Variants in APLF observed in about 807,000 individuals in gnomAD.
APLF encodes aprataxin and PNKP like factor, also known as aprataxin and PNK-like factor.
Under a neutral mutation model 55.6 loss-of-function variants are expected in APLF, and 61 were observed. The ratio of observed to expected loss-of-function variants is 1.10; its 90% CI spans 0.89 to 1.36. The LOEUF (loss-of-function observed/expected upper bound fraction) is 1.36. Ranked by LOEUF, APLF falls within the 40% of genes most tolerant of loss-of-function variation. APLF has a pLI of 0.00. For missense variants in APLF, 611 were observed against 602.5 expected, an observed-to-expected ratio of 1.01 and a Z score of -0.15; for synonymous variants, 207 against 214.8, an observed-to-expected ratio of 0.96 and a Z score of 0.32.
intron 5 of APLF, among the ~76,000 whole-genome samples, chr2:68,524,034 G>T (rs1056833098): frequency 6.6e-6 from 1 of 151,818 alleles, no homozygotes; most frequent in Non-Finnish European, 1.5e-5. Flanking sequence ...GTATCACTTG[G>T]AATATATAAA....
intron 5 of APLF, among the ~76,000 whole-genome samples, chr2:68,519,582 G>A (rs972787575): frequency 9.4e-5 from 14 of 149,324 alleles, no homozygotes; most frequent in African/African-American, 1.7e-4. Context: ...TCCCCACTAC[G>A]ATTCCCCATT....
At chr2:68,561,904 C>T (rs189222631) in intron 8 of APLF, among the ~76,000 whole-genome samples, 2 of 151,826 alleles carry the variant, frequency 1.3e-5, no homozygotes, top group Non-Finnish European at 2.9e-5. Flanking sequence ...AGTTTTAGTC[C>T]AGAAATTATT....
rs1400736644 is a variant in APLF, at chr2:68,529,610, G to A, written c.804+3368G>A. 9.0e-6 allele frequency: 3 copies of A among 334,082 alleles called. No individual in the cohort carries two copies. Among genetic ancestry groups the A allele is most frequent in the African/African-American group, 6.7e-5 (3 of 44,792 alleles). 20.7% of individuals were successfully genotyped at this position (334,082 alleles called of 1,614,324 possible). On this transcript the variant is annotated intron_variant, in intron 6 of 9. Coordinates refer to ENST00000303795, the MANE Select transcript of APLF (RefSeq NM_173545.3). The surrounding 1 kb of genome is among the most constrained non-coding windows in gnomAD (Gnocchi z 4.4). ...GGGCTGGTGACAGAGCCAGGGTGTG[G>A]AGGAGTGCTTAGGAGCCCAGCGAGG...
intron 1 of APLF, among the ~76,000 whole-genome samples, chr2:68,489,026 C>T (rs1377073769): frequency 6.6e-6 from 1 of 151,540 alleles, no homozygotes; most frequent in Non-Finnish European, 1.5e-5. Context: ...AAATTTTTAG[C>T]CTCTTTTTTT....
chr2:68,513,092 G>T lies in APLF; in HGVS notation c.354G>T (p.Val118=). ...EMQCTLRNSQ[V]LDEDNILNET... is the part of the protein sequence containing the mutation. ...TTTTATCTTATAGAAACAGTCAAGTGCTTGATGAAGATAATATATTGAATG... is the reference window on the plus strand; with the variant it reads ...TTTTATCTTATAGAAACAGTCAAGTTCTTGATGAAGATAATATATTGAATG... Residue 118 remains valine (V), a synonymous_variant, in exon 4 of 10, where the codon GTG becomes GTT. Transcript: ENST00000303795. 1 of 1,606,542 alleles carries T rather than the reference G, an allele frequency of 6.2e-7. No individual in the cohort carries two copies. The highest frequency in any genetic ancestry group is 8.5e-7 in the Non-Finnish European group (1 of 1,176,158).
At chr2:68,530,338 A>T (rs1248729155) in intron 6 of APLF, among the ~76,000 whole-genome samples, 2 of 152,138 alleles carry the variant, frequency 1.3e-5, no homozygotes, top group African/African-American at 4.8e-5. Context: ...ATACAAGTTG[A>T]CCATGGCATG....
Position 68,478,291 on chromosome 2 carries a change from A to G in APLF, c.96+10464A>G, listed in dbSNP as rs182917268. ...TGAATACAGCATATGGACGATTGTA[A>G]AAAAAGGAAAAGGAAATTCATGAAG... On this transcript the variant is annotated intron_variant, in intron 1 of 9. Coordinates refer to ENST00000303795, the MANE Select transcript of APLF (RefSeq NM_173545.3). Among the ~76,000 whole-genome samples the G allele has an allele frequency of 9.1e-4, 139 of 152,334 alleles. 1 individual carries two copies. Among genetic ancestry groups the G allele is most frequent in the African/African-American group, 3.2e-3 (134 of 41,586 alleles).
At chr2:68,471,863 C>T (rs1430843807) in intron 1 of APLF, among the ~76,000 whole-genome samples, 4 of 152,036 alleles carry the variant, frequency 2.6e-5, no homozygotes, top group Non-Finnish European at 5.9e-5. Context: ...GACCATGGCC[C>T]GTGACACAGC....
At position 68,552,845 on chromosome 2, in the gene APLF, G is replaced by A. The variant is rs572066410; in HGVS notation, c.1286+7533G>A. ...TCTGTAGATACGTGTAGATGTATAC[G>A]TATAGATATGGTGCTTTCTTCACCT... On this transcript the variant is annotated intron_variant, in intron 8 of 9. Coordinates refer to ENST00000303795, the MANE Select transcript of APLF (RefSeq NM_173545.3). Among the ~76,000 whole-genome samples the A allele has an allele frequency of 7.2e-5, 11 of 152,192 alleles. No homozygotes were observed. The East Asian group carries it at 1.4e-3, about 19-fold the overall frequency.
At chr2:68,544,547 TTTA>T (rs1449633858) in intron 7 of APLF, among the ~76,000 whole-genome samples, 7 of 152,272 alleles carry the variant, frequency 4.6e-5, no homozygotes, top group African/African-American at 1.4e-4. Context: ...ATGTAAAGGG[TTTA>T]TTATTGTTCT....
intron 6 of APLF, 109 bp from the exon 7 acceptor site, chr2:68,537,763 A>C (rs1037649241): frequency 2.6e-6 from 2 of 756,758 alleles, no homozygotes; most frequent in African/African-American, 1.8e-5. Flanking sequence ...GTGAATCTTG[A>C]AGTTTTAAGT....
chr2:68,523,656 A>G (rs1655311156), intron 5 of APLF, among the ~76,000 whole-genome samples: 2 of 151,784 alleles, frequency 1.3e-5, no homozygotes, highest in Admixed American at 6.5e-5. Context: ...TTGTTCATGT[A>G]GTATTAGTAT....
chr2:68,496,590 G>T (rs1676555992), intron 2 of APLF, among the ~76,000 whole-genome samples: 1 of 152,178 alleles, frequency 6.6e-6, no homozygotes, highest in Non-Finnish European at 1.5e-5. Flanking sequence ...CTTTGCTTAT[G>T]TGTTTGAGTG....
At chr2:68,488,938 A>G (rs377481495) in intron 1 of APLF, among the ~76,000 whole-genome samples, 10 of 152,228 alleles carry the variant, frequency 6.6e-5, no homozygotes, top group African/African-American at 2.2e-4. Flanking sequence ...TAACCTGCAC[A>G]TTGTGCACAT....
chr2:68,551,874 C>A (rs1483714025), intron 8 of APLF, among the ~76,000 whole-genome samples: 1 of 151,826 alleles, frequency 6.6e-6, no homozygotes, highest in Non-Finnish European at 1.5e-5. Flanking sequence ...ATGTTGTCTT[C>A]CATCAGTAAG....
intron 5 of APLF, among the ~76,000 whole-genome samples, chr2:68,516,269 T>C (rs1488321718): frequency 6.6e-6 from 1 of 151,674 alleles, no homozygotes; most frequent in East Asian, 1.9e-4. Flanking sequence ...ATTTACTCTT[T>C]ATATGTTTGG....
At chr2:68,501,956 G>A (rs1052297516) in intron 2 of APLF, among the ~76,000 whole-genome samples, 2 of 152,108 alleles carry the variant, frequency 1.3e-5, no homozygotes, top group African/African-American at 4.8e-5. Flanking sequence ...AAATGCTGGG[G>A]CCGCATCTGG....
chr2:68,556,367 TAAAA>T (rs555061617), intron 8 of APLF, among the ~76,000 whole-genome samples: 22 of 152,218 alleles, frequency 1.4e-4, no homozygotes, highest in African/African-American at 5.1e-4. Flanking sequence ...AAAAATTTAA[TAAAA>T]AAAGGTATCT....
At chr2:68,573,186 C>T (rs1442418427) in intron 9 of APLF, among the ~76,000 whole-genome samples, 2 of 152,114 alleles carry the variant, frequency 1.3e-5, no homozygotes, top group Non-Finnish European at 2.9e-5. Context: ...CATTACCCAT[C>T]AGGGTTTACA....
Sources: allele counts gnomAD v4.1 joint callset (sites outside exome capture counted in the v4.1 genomes callset), GRCh38; gene constraint gnomAD v4.1.1; non-coding constraint Gnocchi (gnomAD v3.1); transcripts MANE v1.5; gene names NCBI Gene and HGNC (gene_info 2026-07-23, HGNC 2026-07-21).